Variants in INPP4B observed in about 807,000 individuals in gnomAD.
INPP4B encodes the protein inositol polyphosphate-4-phosphatase type II B, also known as inositol polyphosphate 4-phosphatase type II.
INPP4B carries 55 observed loss-of-function variants against 122.5 expected under a neutral mutation model. The observed-to-expected ratio is 0.45, with a 90% CI of 0.36 to 0.56. INPP4B has a LOEUF of 0.56. Ranked by LOEUF, INPP4B falls within the 20% of genes least tolerant of loss-of-function variation. The pLI, the probability that INPP4B is intolerant of heterozygous loss-of-function variation, is 0.00. For synonymous variants in INPP4B, 403 were observed against 388.7 expected (o/e 1.04, Z -0.43); for missense variants, 1,000 against 1,097.7 (o/e 0.91, Z 1.26).
At chr4:142,545,330 C>T (rs914266680) in intron 2 of INPP4B, among the ~76,000 whole-genome samples, 3 of 152,060 alleles carry the variant, frequency 2.0e-5, no homozygotes, top group Non-Finnish European at 4.4e-5. Context: ...TTTCATAATG[C>T]TGCAATTAAC....
At chr4:142,083,002 T>C (rs1774821134) in intron 24 of INPP4B, among the ~76,000 whole-genome samples, 2 of 151,934 alleles carry the variant, frequency 1.3e-5, no homozygotes, top group African/African-American at 4.8e-5. Context: ...GATGCATGCT[T>C]GTAGTCCCAG....
intron 2 of INPP4B, among the ~76,000 whole-genome samples, chr4:142,682,639 T>C (rs1758799598): frequency 6.6e-6 from 1 of 151,952 alleles, no homozygotes; most frequent in Non-Finnish European, 1.5e-5. Flanking sequence ...AAAGGTTTTC[T>C]CTATTGCATG....
At position 142,313,480 on chromosome 4, in the gene INPP4B, A is replaced by C. The variant is rs141796275; in HGVS notation, c.423+1232T>G. 4.8e-3 allele frequency among the ~76,000 whole-genome samples: 730 copies of C among 152,326 alleles called. 4 individuals carry two copies. Among genetic ancestry groups the C allele is most frequent in the African/African-American group, 0.016 (683 of 41,582 alleles). ...AGGGTCCAGTTGGAAGCAGGGCCCCAGGGTGGTACTAGTGGAAACATGTGA... is the reference window on the plus strand; with the variant it reads ...AGGGTCCAGTTGGAAGCAGGGCCCCCGGGTGGTACTAGTGGAAACATGTGA... On this transcript the variant is annotated intron_variant, in intron 8 of 25. Transcript: ENST00000262992.
intron 25 of INPP4B, among the ~76,000 whole-genome samples, chr4:142,061,915 T>C (rs879522654): frequency 0.29 from 4,489 of 15,288 alleles, 171 homozygotes; most frequent in Non-Finnish European, 0.41. Context: ...TATATATATA[T>C]ATATATATAT....
At chr4:142,712,661 TC>T (rs1488805895) in intron 2 of INPP4B, among the ~76,000 whole-genome samples, 2 of 152,238 alleles carry the variant, frequency 1.3e-5, no homozygotes, top group African/African-American at 4.8e-5. Flanking sequence ...TCCTTTTTAT[TC>T]ACTACTATAG....
At chr4:142,782,208 C>T (rs1774959257) in intron 1 of INPP4B, among the ~76,000 whole-genome samples, 1 of 151,816 alleles carries the variant, frequency 6.6e-6, no homozygotes. Context: ...GTTCAATTCC[C>T]ACCTATGAGT....
At chr4:142,268,212 A>G (rs927783124) in intron 10 of INPP4B, among the ~76,000 whole-genome samples, 1 of 149,416 alleles carries the variant, frequency 6.7e-6, no homozygotes, top group Non-Finnish European at 1.5e-5. Flanking sequence ...AGTCCCAGCT[A>G]CTCGGGAGGC....
chr4:142,676,922 A>C (rs1425031978), intron 2 of INPP4B, among the ~76,000 whole-genome samples: 1 of 152,320 alleles, frequency 6.6e-6, no homozygotes, highest in East Asian at 1.9e-4. Context: ...CATTTAGGAC[A>C]TAGGCATGGG....
At chr4:142,175,731 T>G (rs756366886) in intron 15 of INPP4B, among the ~76,000 whole-genome samples, 1 of 152,050 alleles carries the variant, frequency 6.6e-6, no homozygotes, top group Non-Finnish European at 1.5e-5. Context: ...AGGAGTGTAG[T>G]AAGGACTTTA....
At chr4:142,611,637 CTTTTTTTTTTTTTT>C (rs34482115) in intron 2 of INPP4B, among the ~76,000 whole-genome samples, 7 of 65,234 alleles carry the variant, frequency 1.1e-4, no homozygotes, top group Non-Finnish European at 1.6e-4. Flanking sequence ...TTTCTTTTTT[CTTTTTTTTTTTTTT>C]TTTTTTTTTT....
At chr4:142,615,121 ATTTG>A (rs1743419331) in intron 2 of INPP4B, among the ~76,000 whole-genome samples, 1 of 152,082 alleles carries the variant, frequency 6.6e-6, no homozygotes, top group Non-Finnish European at 1.5e-5. Context: ...TTCATTTTTT[ATTTG>A]TTTATTTATT....
In INPP4B at chr4:142,329,243, G is replaced by A. The variant is rs1279328321; in HGVS notation, c.373-14481C>T. ...CTGTCCCTGAGGTGGGTTTCCCTGA[G>A]CAGGTAACTTTGATTCAGACCTGCA... On this transcript the variant is annotated intron_variant, in intron 7 of 25. Coordinates refer to ENST00000262992, the MANE Select transcript of INPP4B (RefSeq NM_001101669.3). 5.3e-5 allele frequency among the ~76,000 whole-genome samples: 8 copies of A among 152,336 alleles called. No individual in the cohort carries two copies. The South Asian group carries it at 1.7e-3, about 32-fold the overall frequency.
intron 7 of INPP4B, among the ~76,000 whole-genome samples, chr4:142,360,976 G>A (rs148586378): frequency 1.3e-5 from 2 of 151,906 alleles, no homozygotes; most frequent in Admixed American, 6.6e-5. Flanking sequence ...ATGTGCTATT[G>A]TTTGCTCTTT....
chr4:142,378,379 G>A (rs924421329), intron 7 of INPP4B, among the ~76,000 whole-genome samples: 6 of 152,104 alleles, frequency 3.9e-5, no homozygotes, highest in Admixed American at 1.3e-4. Context: ...AACCTTGCTC[G>A]GGCACCCATT....
intron 7 of INPP4B, among the ~76,000 whole-genome samples, chr4:142,391,007 C>T (rs1797491940): frequency 6.6e-6 from 1 of 152,112 alleles, no homozygotes; most frequent in Non-Finnish European, 1.5e-5. Context: ...ATTCCTGAAA[C>T]TTTAATGAAT....
intron 25 of INPP4B, among the ~76,000 whole-genome samples, chr4:142,077,090 G>A (rs1185403921): frequency 6.6e-6 from 1 of 151,914 alleles, no homozygotes; most frequent in East Asian, 1.9e-4. Context: ...TAAATTACAG[G>A]CGCAACATGT....
chr4:142,061,914 ATATATATATATATATATATATATATATC>A (rs1560980430), intron 25 of INPP4B, among the ~76,000 whole-genome samples: 1 of 6,370 alleles, frequency 1.6e-4, no homozygotes, highest in Non-Finnish European at 5.6e-4. Flanking sequence ...ATATATATAT[ATATATATATATATATATATATATATATC>A]TGTAACTTTG....
At chr4:142,107,781 C>T (rs1047753739) in intron 23 of INPP4B, among the ~76,000 whole-genome samples, 2 of 152,030 alleles carry the variant, frequency 1.3e-5, no homozygotes, top group Admixed American at 6.6e-5. Context: ...AAGAATTATA[C>T]AAAATTTTTA....
intron 2 of INPP4B, among the ~76,000 whole-genome samples, chr4:142,465,978 A>G (rs546061192): frequency 3.9e-4 from 59 of 152,264 alleles, no homozygotes; most frequent in Non-Finnish European, 6.5e-4. Flanking sequence ...AGAACTGTGA[A>G]CCAAATAAAT....
Sources: gnomAD v4.1 joint callset for allele counts (sites outside exome capture counted in the v4.1 genomes callset) on GRCh38, gnomAD v4.1.1 for gene constraint, MANE v1.5 for transcripts, NCBI Gene and HGNC (gene_info 2026-07-23, HGNC 2026-07-21) for gene names.